The following WDR72 variants were observed in gnomAD, a reference collection of about 807,000 sequenced individuals.
WDR72 encodes WD repeat-containing protein 72.
Under a neutral mutation model 124.2 loss-of-function variants are expected in WDR72, and 120 were observed. The observed-to-expected ratio is 0.97, with a 90% CI of 0.83 to 1.12. The LOEUF is 1.12. Ranked by LOEUF, WDR72 falls within the 50% of genes most tolerant of loss-of-function variation. WDR72 has a pLI of 0.00. For missense variants in WDR72, 1,387 were observed against 1,278.8 expected, an observed-to-expected ratio of 1.08 and a Z score of -1.29; for synonymous variants, 452 against 441.7, an observed-to-expected ratio of 1.02 and a Z score of -0.29.
intron 2 of WDR72, among the ~76,000 whole-genome samples, chr15:53,731,510 A>T (rs689686): frequency 0.061 from 9,316 of 151,682 alleles, 975 homozygotes; most frequent in African/African-American, 0.21. Flanking sequence ...ACTACATGCC[A>T]CCTTGTCCTT....
chr15:53,761,194 T>C (rs2019057276), upstream of WDR72, among the ~76,000 whole-genome samples: 5 of 152,190 alleles, frequency 3.3e-5, no homozygotes, highest in African/African-American at 1.2e-4. Context: ...GGCATACAAA[T>C]GACAAATAGG....
intron 18 of WDR72, among the ~76,000 whole-genome samples, chr15:53,560,421 C>G (rs1894087126): frequency 6.6e-6 from 1 of 151,842 alleles, no homozygotes; most frequent in African/African-American, 2.4e-5. Context: ...TCCTTACGAG[C>G]AACTCTTTTA....
chr15:53,714,442 T>G lies in WDR72; in HGVS notation c.583A>C (p.Ser195Arg), dbSNP rs778586553. The G allele has an allele frequency of 6.2e-7, 1 of 1,613,666 alleles. No homozygotes were observed. The highest frequency in any genetic ancestry group is 1.1e-5 in the South Asian group (1 of 91,066). Reference sequence around the variant, plus strand: ...AGGGTTCCCAAGCCAACCTGAATGCTGTTGATAGATGAGGAAAGATCCCAT... The same window carrying G: ...AGGGTTCCCAAGCCAACCTGAATGCGGTTGATAGATGAGGAAAGATCCCAT... ...KVWDLSSSIN[S>R]IQEKQDVYEK... Residue 195 changes from serine to arginine, a missense_variant, in exon 6 of 20, where the codon AGC (serine) becomes CGC (arginine). By Grantham distance (110) the Ser-to-Arg change is moderately radical (BLOSUM62 -1). Coordinates refer to ENST00000360509, the MANE Select transcript of WDR72 (RefSeq NM_182758.4).
intron 14 of WDR72, among the ~76,000 whole-genome samples, chr15:53,655,776 T>C (rs946042849): frequency 6.6e-6 from 1 of 152,144 alleles, no homozygotes; most frequent in African/African-American, 2.4e-5. Flanking sequence ...CACTGCAACT[T>C]CTGCCTCCCA....
At chr15:53,732,445 A>G (rs1381879541) in intron 2 of WDR72, among the ~76,000 whole-genome samples, 1 of 152,178 alleles carries the variant, frequency 6.6e-6, no homozygotes, top group African/African-American at 2.4e-5. Flanking sequence ...TTGCTAATCA[A>G]TGGACCAAAT....
chr15:53,530,763 A>G lies in WDR72; in HGVS notation c.3149-7441T>C, dbSNP rs573740093. 1.6e-4 allele frequency among the ~76,000 whole-genome samples: 25 copies of G among 152,214 alleles called. No individual in the cohort carries two copies. In the South Asian group the frequency reaches 5.2e-3, roughly 32 times the overall value. ...AACATGATTTATATATGAACTTAAG[A>G]TAAGGATTCACATCACAGGGCAATT... On this transcript the variant is annotated intron_variant, in intron 18 of 19. Transcript: ENST00000360509.
At chr15:53,518,190 T>G (rs1286664553) in intron 19 of WDR72, among the ~76,000 whole-genome samples, 1 of 152,080 alleles carries the variant, frequency 6.6e-6, no homozygotes, top group African/African-American at 2.4e-5. Flanking sequence ...AAATACTGTT[T>G]GAGTTAGAGA....
intron 18 of WDR72, among the ~76,000 whole-genome samples, chr15:53,575,829 A>T (rs1028680429): frequency 2.0e-5 from 3 of 152,154 alleles, no homozygotes; most frequent in African/African-American, 4.8e-5. Flanking sequence ...ACACAGAGAC[A>T]TTTAATTGCT....
intron 1 of WDR72, among the ~76,000 whole-genome samples, chr15:53,747,841 TC>T (rs1158191738): frequency 6.6e-6 from 1 of 152,178 alleles, no homozygotes; most frequent in Non-Finnish European, 1.5e-5. Flanking sequence ...GGTAGTAACC[TC>T]ACTTTTATTT....
chr15:53,674,827 C>G (rs562734720), intron 13 of WDR72, among the ~76,000 whole-genome samples: 103 of 152,178 alleles, frequency 6.8e-4, no homozygotes, highest in African/African-American at 2.4e-3. Flanking sequence ...CAGCCTCCAG[C>G]ACATTCACAG....
intron 10 of WDR72, 105 bp downstream of exon 10, chr15:53,705,822 A>T: frequency 7.2e-7 from 1 of 1,391,082 alleles, no homozygotes. Context: ...GTACACAATA[A>T]ATTTTTCTTG....
intron 18 of WDR72, among the ~76,000 whole-genome samples, chr15:53,526,759 T>C (rs1892141906): frequency 6.6e-6 from 1 of 152,120 alleles, no homozygotes; most frequent in Non-Finnish European, 1.5e-5. Context: ...AGAGAGATAC[T>C]TTTGACATCA....
intron 18 of WDR72, among the ~76,000 whole-genome samples, chr15:53,540,136 A>G (rs2140253329): frequency 6.6e-6 from 1 of 152,360 alleles, no homozygotes; most frequent in East Asian, 1.9e-4. Context: ...AATAAAGCAG[A>G]GGCTAAAGAG....
chr15:53,740,159 C>T (rs1241747999), intron 1 of WDR72, among the ~76,000 whole-genome samples: 2 of 152,094 alleles, frequency 1.3e-5, no homozygotes, highest in Admixed American at 6.6e-5. Context: ...TTTGTATCTC[C>T]CTGAAAATTA....
intron 18 of WDR72, among the ~76,000 whole-genome samples, chr15:53,556,565 G>A (rs913579598): frequency 1.3e-5 from 2 of 152,078 alleles, no homozygotes; most frequent in African/African-American, 4.8e-5. Context: ...ACTTGGCATT[G>A]AGCTGGCAAT....
At chr15:53,585,722 G>A (rs1265469484) in intron 18 of WDR72, among the ~76,000 whole-genome samples, 1 of 151,972 alleles carries the variant, frequency 6.6e-6, no homozygotes, top group Non-Finnish European at 1.5e-5. Context: ...GTCAATATGG[G>A]CCAGAAATGG....
intron 14 of WDR72, among the ~76,000 whole-genome samples, chr15:53,626,235 C>T (rs147484515): frequency 1.6e-3 from 250 of 152,268 alleles, no homozygotes; most frequent in African/African-American, 5.8e-3. Flanking sequence ...TCTTGGGCCA[C>T]GCGATGAGTG....
chr15:53,759,236 T>C (rs1019971784), intron 1 of WDR72: 10 of 152,058 alleles, frequency 6.6e-5, no homozygotes, highest in African/African-American at 2.4e-4. Context: ...ATCGATTCCG[T>C]TCCATAGAAG....
At position 53,641,516 on chromosome 15, in the gene WDR72, C is replaced by T. The variant is rs75428698; in HGVS notation, c.1962+24056G>A. On this transcript the variant is annotated intron_variant, in intron 14 of 19. Transcript: ENST00000360509. Reference sequence around the variant, plus strand: ...GAATTTTATAATCAACTCATTGGTTCCTGGAAACCCACTAAGGAGATTTTG... The same window carrying T: ...GAATTTTATAATCAACTCATTGGTTTCTGGAAACCCACTAAGGAGATTTTG... Among the ~76,000 whole-genome samples, 1,169 of 152,040 alleles carry T rather than the reference C, an allele frequency of 7.7e-3. 8 individuals are homozygous for T. Among genetic ancestry groups the T allele is most frequent in the Non-Finnish European group, 0.012 (825 of 67,890 alleles).
Sources: allele counts gnomAD v4.1 joint callset (sites outside exome capture counted in the v4.1 genomes callset), GRCh38; gene constraint gnomAD v4.1.1; transcripts MANE v1.5; gene names NCBI Gene and HGNC (gene_info 2026-07-23, HGNC 2026-07-21).